The following SYT1 variants were observed in gnomAD, a reference collection of about 807,000 sequenced individuals.
SYT1 encodes the protein synaptotagmin 1, also known as synaptotagmin-1.
A neutral mutation model predicts 44.8 loss-of-function variants in SYT1; 8 were observed. The observed-to-expected ratio is 0.18, with a 90% CI of 0.10 to 0.32. The LOEUF (loss-of-function observed/expected upper bound fraction) is 0.32, where lower values mean the gene tolerates loss of function less well. Ranked by LOEUF, SYT1 falls within the 10% of genes least tolerant of loss-of-function variation. The pLI is 1.00. For synonymous variants in SYT1, 154 were observed against 188.8 expected (o/e 0.82, Z 1.51); for missense variants, 286 against 509.3 (o/e 0.56, Z 4.22).
chr12:79,005,664 T>C (rs1871028244), intron 2 of SYT1, among the ~76,000 whole-genome samples: 2 of 152,114 alleles, frequency 1.3e-5, no homozygotes, highest in Non-Finnish European at 2.9e-5. Context: ...ACACGGCCCC[T>C]ACATAGACAT....
At chr12:79,272,337 TG>T (rs1419115351) in intron 4 of SYT1, among the ~76,000 whole-genome samples, 1 of 152,136 alleles carries the variant, frequency 6.6e-6, no homozygotes, top group Non-Finnish European at 1.5e-5. Context: ...CTGATTACAA[TG>T]AACGGGTAAA....
intron 3 of SYT1, among the ~76,000 whole-genome samples, chr12:79,163,018 A>G (rs1871042821): frequency 6.6e-6 from 1 of 152,118 alleles, no homozygotes; most frequent in Non-Finnish European, 1.5e-5. Context: ...TTCAAATCAG[A>G]ATTGATCCAT....
intron 1 of SYT1, among the ~76,000 whole-genome samples, chr12:78,880,816 C>T (rs1425472817): frequency 6.6e-6 from 1 of 151,444 alleles, no homozygotes; most frequent in Non-Finnish European, 1.5e-5. Context: ...TACTTGGAAA[C>T]TTAAACTTTC....
chr12:79,281,639 T>C (rs1721537322), intron 4 of SYT1, among the ~76,000 whole-genome samples: 1 of 152,106 alleles, frequency 6.6e-6, no homozygotes, highest in African/African-American at 2.4e-5. Flanking sequence ...AATTCATCCA[T>C]TTAACCAAAC....
intron 1 of SYT1, among the ~76,000 whole-genome samples, chr12:78,927,985 G>A (rs1877399095): frequency 6.6e-6 from 1 of 152,022 alleles, no homozygotes; most frequent in African/African-American, 2.4e-5. Flanking sequence ...TCTTCTGCTG[G>A]GATTTGAAAG....
intron 1 of SYT1, among the ~76,000 whole-genome samples, chr12:78,951,434 G>A (rs1042697824): frequency 7.2e-5 from 11 of 152,078 alleles, no homozygotes; most frequent in African/African-American, 2.4e-4. Context: ...GCAAGGAATT[G>A]TTATAATGTC....
chr12:78,916,502 CT>C (rs1876662970), intron 1 of SYT1, among the ~76,000 whole-genome samples: 1 of 151,900 alleles, frequency 6.6e-6, no homozygotes, highest in Admixed American at 6.6e-5. Context: ...TTATTTCTCT[CT>C]TATCCTACTT....
At chr12:79,292,281 G>A (rs979182495) in intron 6 of SYT1, 151 bp downstream of exon 6, 5 of 975,248 alleles carry the variant, frequency 5.1e-6, no homozygotes, top group African/African-American at 1.6e-5. Context: ...CTAAGAACAG[G>A]CAGTCCCCTA....
At chr12:79,014,122 C>CAAAAAA (rs1358787041) in intron 2 of SYT1, among the ~76,000 whole-genome samples, 4 of 39,734 alleles carry the variant, frequency 1.0e-4, no homozygotes, top group African/African-American at 1.5e-4. Context: ...AGACTCTCTC[C>CAAAAAA]AAAAAAAAAA....
At chr12:79,264,321 T>G (rs920438265) in intron 4 of SYT1, among the ~76,000 whole-genome samples, 1 of 151,746 alleles carries the variant, frequency 6.6e-6, no homozygotes, top group South Asian at 2.1e-4. Context: ...CTGGGACTAC[T>G]GGCGCCCACC....
At chr12:79,377,091 T>G (rs907315843) in intron 9 of SYT1, among the ~76,000 whole-genome samples, 2 of 151,116 alleles carry the variant, frequency 1.3e-5, no homozygotes, top group African/African-American at 4.9e-5. Flanking sequence ...GAGATGTTTA[T>G]GTAACATTTT....
intron 1 of SYT1, among the ~76,000 whole-genome samples, chr12:78,891,465 G>A (rs1214052869): frequency 1.3e-5 from 2 of 151,878 alleles, no homozygotes; most frequent in Non-Finnish European, 2.9e-5. Flanking sequence ...TTTTGTACAA[G>A]AGAGTTAAAA....
In SYT1 at chr12:78,916,522, T is replaced by G. The variant is rs142993108; in HGVS notation, c.-217+51413T>G. On this transcript the variant is annotated intron_variant, in intron 1 of 10. Coordinates refer to ENST00000261205, the MANE Select transcript of SYT1 (RefSeq NM_005639.3). ...TCTCTCTTATCCTACTTTTTTGTAG[T>G]CTTGCAACTAAATAAATTTAGTTAT... 2.1e-4 allele frequency among the ~76,000 whole-genome samples: 32 copies of G among 152,102 alleles called. No homozygotes were observed. In the East Asian group the frequency reaches 5.1e-3, roughly 24 times the overall value.
intron 1 of SYT1, among the ~76,000 whole-genome samples, chr12:78,947,423 C>G (rs1276025788): frequency 1.3e-5 from 2 of 151,574 alleles, no homozygotes; most frequent in Non-Finnish European, 2.9e-5. Flanking sequence ...TCCTCTAAAG[C>G]CAAACCAAAC....
chr12:79,204,013 G>A (rs1030726770), intron 3 of SYT1, among the ~76,000 whole-genome samples: 11 of 152,142 alleles, frequency 7.2e-5, no homozygotes, highest in Non-Finnish European at 1.6e-4. Flanking sequence ...TTATTAGTAA[G>A]GCAGACTTCC....
At chr12:79,130,882 A>G (rs1379547215) in intron 3 of SYT1, among the ~76,000 whole-genome samples, 2 of 152,164 alleles carry the variant, frequency 1.3e-5, no homozygotes, top group Non-Finnish European at 2.9e-5. Context: ...ATAGTTCTTA[A>G]CACACATCTA....
intron 3 of SYT1, among the ~76,000 whole-genome samples, chr12:79,199,592 A>G (rs1160888872): frequency 6.6e-6 from 1 of 152,156 alleles, no homozygotes; most frequent in Non-Finnish European, 1.5e-5. Flanking sequence ...ATAACATGCA[A>G]AACCTAGAAA....
At chr12:79,157,740 A>G (rs761058741) in intron 3 of SYT1, among the ~76,000 whole-genome samples, 1 of 152,192 alleles carries the variant, frequency 6.6e-6, no homozygotes, top group Non-Finnish European at 1.5e-5. Flanking sequence ...CTTTGTACTA[A>G]GAGCTTTAAC....
chr12:79,345,001 A>G (rs1882541195), intron 8 of SYT1, among the ~76,000 whole-genome samples: 1 of 152,178 alleles, frequency 6.6e-6, no homozygotes, highest in Non-Finnish European at 1.5e-5. Flanking sequence ...AAGCTGTTCA[A>G]GGGGTATAGT....
Sources: gnomAD v4.1 joint callset for allele counts (sites outside exome capture counted in the v4.1 genomes callset) on GRCh38, gnomAD v4.1.1 for gene constraint, MANE v1.5 for transcripts, NCBI Gene and HGNC (gene_info 2026-07-23, HGNC 2026-07-21) for gene names.